ATAD2B: variants seen among roughly 807,000 people sequenced by gnomAD.
ATAD2B encodes ATPase family AAA domain containing 2B, also known as ATPase family AAA domain-containing protein 2B.
A neutral mutation model predicts 167.6 loss-of-function variants in ATAD2B; 40 were observed. That is an observed-to-expected ratio of 0.24 (90% CI 0.19 to 0.31). ATAD2B has a LOEUF of 0.31. Ranked by LOEUF, ATAD2B falls within the 10% of genes least tolerant of loss-of-function variation. The probability of loss-of-function intolerance (pLI) is 1.00; values close to 1 mark genes in which losing one functional copy is unlikely to be tolerated. For missense variants in ATAD2B, 1,242 were observed against 1,757.2 expected, an observed-to-expected ratio of 0.71 and a Z score of 5.24; for synonymous variants, 579 against 596.5, an observed-to-expected ratio of 0.97 and a Z score of 0.43.
At chr2:23,892,528 G>C (rs1699683701) in intron 2 of ATAD2B, among the ~76,000 whole-genome samples, 1 of 150,072 alleles carries the variant, frequency 6.7e-6, no homozygotes, top group South Asian at 2.1e-4. Flanking sequence ...CTAGAGTGCA[G>C]TGGTACGATC....
At chr2:23,825,959 G>A (rs60073146) in intron 15 of ATAD2B, among the ~76,000 whole-genome samples, 56 of 152,164 alleles carry the variant, frequency 3.7e-4, no homozygotes, top group Middle Eastern at 3.4e-3. Context: ...TAATGAAGTA[G>A]ATTTTCACAT....
At chr2:23,776,740 G>T (rs943375740) in intron 22 of ATAD2B, among the ~76,000 whole-genome samples, 1 of 151,998 alleles carries the variant, frequency 6.6e-6, no homozygotes, top group African/African-American at 2.4e-5. Flanking sequence ...ATCATCTGCT[G>T]GCACCTTAAG....
intron 24 of ATAD2B, among the ~76,000 whole-genome samples, chr2:23,760,657 C>CTT (rs1676540891): frequency 7.2e-6 from 1 of 139,430 alleles, no homozygotes; most frequent in Non-Finnish European, 1.6e-5. Context: ...GAGAGAGACT[C>CTT]TGTCTCAAGA....
intron 1 of ATAD2B, among the ~76,000 whole-genome samples, chr2:23,921,205 C>CGAAAAA (rs560022881): frequency 9.3e-5 from 3 of 32,288 alleles, no homozygotes; most frequent in Non-Finnish European, 1.5e-4. Flanking sequence ...GACTCCATCT[C>CGAAAAA]AAAAAAAAAA....
chr2:23,848,083 G>T (rs1318990786), intron 13 of ATAD2B, among the ~76,000 whole-genome samples: 2 of 150,778 alleles, frequency 1.3e-5, no homozygotes, highest in African/African-American at 2.4e-5. Flanking sequence ...TATACATAAA[G>T]AAACTGATAC....
downstream of ATAD2B, among the ~76,000 whole-genome samples, chr2:23,746,594 G>C (rs1484075516): frequency 6.6e-6 from 1 of 152,126 alleles, no homozygotes; most frequent in South Asian, 2.1e-4. Context: ...CAAACAAAAG[G>C]ATTAGTGCCC....
the ATAD2B span, among the ~76,000 whole-genome samples, chr2:23,709,151 C>T: frequency 6.6e-6 from 1 of 152,126 alleles, no homozygotes; most frequent in Non-Finnish European, 1.5e-5. Flanking sequence ...AAGCGATTCT[C>T]CTGCCTCAGC....
chr2:23,859,814 G>A (rs980347306), intron 12 of ATAD2B, among the ~76,000 whole-genome samples: 12 of 134,568 alleles, frequency 8.9e-5, no homozygotes, highest in South Asian at 8.7e-4. Context: ...CACGCGTGGC[G>A]GGGGGGGCAC....
intron 15 of ATAD2B, among the ~76,000 whole-genome samples, chr2:23,825,578 A>G (rs1251097818): frequency 6.6e-6 from 1 of 152,246 alleles, no homozygotes; most frequent in Non-Finnish European, 1.5e-5. Context: ...TCAAAGTTAT[A>G]AAGAGTTAAC....
chr2:23,825,871 C>T lies in ATAD2B; in HGVS notation c.1820-2302G>A, dbSNP rs535234922. Among the ~76,000 whole-genome samples the T allele has an allele frequency of 2.0e-5, 3 of 152,276 alleles. No individual in the cohort carries two copies. In the South Asian group the frequency reaches 6.2e-4, roughly 32 times the overall value. ...CCCATAACATTTATGTTTGCCACAA[C>T]ATGTTAATTACATATATAACAGCAA... On this transcript the variant is annotated intron_variant, in intron 15 of 27. Coordinates refer to ENST00000238789, the MANE Select transcript of ATAD2B (RefSeq NM_017552.4).
At chr2:23,705,377 G>A in the ATAD2B span, among the ~76,000 whole-genome samples, 5 of 152,112 alleles carry the variant, frequency 3.3e-5, no homozygotes, top group Admixed American at 3.3e-4. Flanking sequence ...TGTAATCCCA[G>A]CTAACTCAGG....
At chr2:23,730,993 T>C in the ATAD2B span, among the ~76,000 whole-genome samples, 1 of 151,950 alleles carries the variant, frequency 6.6e-6, no homozygotes, top group Non-Finnish European at 1.5e-5. Flanking sequence ...TCACTACAGA[T>C]GAAACAGAGA....
At chr2:23,864,022 C>CTTT (rs35664691) in intron 11 of ATAD2B, among the ~76,000 whole-genome samples, 2 of 143,766 alleles carry the variant, frequency 1.4e-5, no homozygotes, top group Non-Finnish European at 1.5e-5. Flanking sequence ...TCTGAATATT[C>CTTT]TTTTTTTTTT....
At chr2:23,728,096 T>C in the ATAD2B span, among the ~76,000 whole-genome samples, 5 of 152,124 alleles carry the variant, frequency 3.3e-5, no homozygotes. Flanking sequence ...TTACCAATTG[T>C]AACAAATGCA....
Position 23,749,680 on chromosome 2 carries a change from G to A in ATAD2B, c.*2366C>T, listed in dbSNP as rs1443288754. On this transcript the variant is annotated 3_prime_UTR_variant, in exon 28 of 28. Coordinates refer to ENST00000238789, the MANE Select transcript of ATAD2B (RefSeq NM_017552.4). ...TGTTCAAAGTGGCAGTTCCTATACTGAGGTTGCCTCCAATTTCTCCATCTA... is the reference window on the plus strand; with the variant it reads ...TGTTCAAAGTGGCAGTTCCTATACTAAGGTTGCCTCCAATTTCTCCATCTA... 6.6e-6 allele frequency: 1 copy of A among 151,954 alleles called. No homozygotes were observed. Among genetic ancestry groups the A allele is most frequent in the Non-Finnish European group, 1.5e-5 (1 of 67,980 alleles). 9.4% of individuals were successfully genotyped at this position (151,954 alleles called of 1,614,324 possible). A position where few individuals can be genotyped will look rare whatever the true frequency, so the allele number is the denominator to read the frequency against.
At chr2:23,803,114 G>C (rs1018149085) in intron 18 of ATAD2B, among the ~76,000 whole-genome samples, 1 of 152,272 alleles carries the variant, frequency 6.6e-6, no homozygotes, top group Non-Finnish European at 1.5e-5. Flanking sequence ...CAGAAAAAGA[G>C]AATCATAGTT....
At chr2:23,802,260 T>A (rs577030769) in intron 18 of ATAD2B, among the ~76,000 whole-genome samples, 2 of 152,198 alleles carry the variant, frequency 1.3e-5, no homozygotes, top group South Asian at 4.1e-4. Context: ...CTTTGTGCCA[T>A]GCTATCAGAA....
At chr2:23,892,388 T>C (rs1338465084) in intron 2 of ATAD2B, among the ~76,000 whole-genome samples, 2 of 151,876 alleles carry the variant, frequency 1.3e-5, no homozygotes, top group Non-Finnish European at 2.9e-5. Context: ...ATGGTCTCTA[T>C]CTCCTGACCT....
the ATAD2B span, among the ~76,000 whole-genome samples, chr2:23,714,073 C>T: frequency 6.6e-6 from 1 of 152,210 alleles, no homozygotes; most frequent in South Asian, 2.1e-4. Flanking sequence ...CCATTACCCC[C>T]CGGTCCAAGT....
Sources: allele counts gnomAD v4.1 joint callset (sites outside exome capture counted in the v4.1 genomes callset), GRCh38; gene constraint gnomAD v4.1.1; transcripts MANE v1.5; gene names NCBI Gene and HGNC (gene_info 2026-07-23, HGNC 2026-07-21).